Variants in USP28 observed in about 807,000 individuals in gnomAD.
USP28 encodes ubiquitin carboxyl-terminal hydrolase 28.
A neutral mutation model predicts 145.0 loss-of-function variants in USP28; 113 were observed. The ratio of observed to expected loss-of-function variants is 0.78; its 90% CI spans 0.67 to 0.91. The LOEUF (loss-of-function observed/expected upper bound fraction) is 0.91, where lower values mean the gene tolerates loss of function less well. Among genes scored for constraint, USP28 ranks in the 40% least tolerant of loss-of-function variants. The pLI, the probability that USP28 is intolerant of heterozygous loss-of-function variation, is 0.00. For synonymous variants in USP28, 447 were observed against 450.9 expected (o/e 0.99, Z 0.11); for missense variants, 1,201 against 1,289.6 (o/e 0.93, Z 1.05).
intron 1 of USP28, among the ~76,000 whole-genome samples, chr11:113,863,954 A>T (rs1591487914): frequency 7.6e-6 from 1 of 132,164 alleles, no homozygotes; most frequent in East Asian, 2.4e-4. Flanking sequence ...CGAAAAAAAA[A>T]ATTGCTGGTC....
In USP28 at chr11:113,830,142, T is replaced by C. The variant is rs1436340773; in HGVS notation, c.910+725A>G. On this transcript the variant is annotated intron_variant, in intron 9 of 24. Coordinates refer to ENST00000003302, the Ensembl canonical transcript of USP28. ...ACGATGGAGGGGGAGCCTACAAATA[T>C]TCAGTCATAAATGAATCACACACTG... Among the ~76,000 whole-genome samples, 8 of 152,290 alleles carry C rather than the reference T, an allele frequency of 5.3e-5. No homozygotes were observed. In the South Asian group the frequency reaches 1.4e-3, roughly 28 times the overall value.
chr11:113,805,662 T>C (rs1939823900), intron 19 of USP28, among the ~76,000 whole-genome samples: 1 of 152,008 alleles, frequency 6.6e-6, no homozygotes, highest in Non-Finnish European at 1.5e-5. Context: ...TGACTTAAAC[T>C]TAAAGAATCT....
exon 4 of USP28, chr11:113,841,672 T>G: frequency 6.2e-7 from 1 of 1,609,266 alleles, no homozygotes; most frequent in Non-Finnish European, 8.5e-7. Flanking sequence ...CCTGTTAAGA[T>G]CTCTTCCATC....
At chr11:113,854,573 TG>T (rs1946841829) in intron 1 of USP28, among the ~76,000 whole-genome samples, 1 of 152,186 alleles carries the variant, frequency 6.6e-6, no homozygotes, top group Non-Finnish European at 1.5e-5. Flanking sequence ...AGCTAAGTTT[TG>T]TATTTTTAGT....
intron 1 of USP28, among the ~76,000 whole-genome samples, chr11:113,869,717 G>A (rs1048559566): frequency 3.3e-5 from 5 of 152,302 alleles, no homozygotes; most frequent in South Asian, 2.1e-4. Context: ...TGGCAGACAC[G>A]AGTAATACAA....
At chr11:113,828,307 G>C (rs1943603084) in intron 10 of USP28, among the ~76,000 whole-genome samples, 1 of 152,170 alleles carries the variant, frequency 6.6e-6, no homozygotes, top group African/African-American at 2.4e-5. Context: ...GGTCTCCACA[G>C]GCCTAAGTAT....
At chr11:113,845,738 C>T (rs1945761681) in intron 3 of USP28, among the ~76,000 whole-genome samples, 1 of 152,108 alleles carries the variant, frequency 6.6e-6, no homozygotes, top group African/African-American at 2.4e-5. Context: ...TCACACCTGG[C>T]TAATTTTTCT....
At chr11:113,806,833 T>C (rs1260101261) in intron 18 of USP28, among the ~76,000 whole-genome samples, 1 of 152,192 alleles carries the variant, frequency 6.6e-6, no homozygotes, top group African/African-American at 2.4e-5. Context: ...TTCAGTAGGA[T>C]AAAGAAAGAT....
Position 113,854,349 on chromosome 11 carries a change from AC to A in USP28, c.58-15del. 1 of 1,610,210 alleles carries A rather than the reference AC, an allele frequency of 6.2e-7. No individual in the cohort carries two copies. The highest frequency in any genetic ancestry group is 8.5e-7 in the Non-Finnish European group (1 of 1,178,786). On this transcript the variant is annotated splice_polypyrimidine_tract_variant and intron_variant, in intron 1 of 24. Transcript: ENST00000003302. ...CATTTGGCAGCTCTATATTTGCAAA[AC>A]AAAAAAACCACAAACATGTCAGTCA...
intron 1 of USP28, among the ~76,000 whole-genome samples, chr11:113,873,801 G>C (rs1406230726): frequency 6.6e-6 from 1 of 152,092 alleles, no homozygotes; most frequent in Non-Finnish European, 1.5e-5. Flanking sequence ...TGATACTTTC[G>C]TTTCGGAGCC....
intron 3 of USP28, among the ~76,000 whole-genome samples, chr11:113,845,623 G>C (rs79176357): frequency 2.0e-5 from 3 of 152,046 alleles, no homozygotes; most frequent in African/African-American, 7.2e-5. Flanking sequence ...ACCAGGGCTA[G>C]AGGGCAGTAG....
rs184775101 is a variant in USP28, at chr11:113,861,648, C to T, written c.58-7313G>A. On this transcript the variant is annotated intron_variant, in intron 1 of 24. Coordinates refer to ENST00000003302, the Ensembl canonical transcript of USP28. The stretch of plus-strand genomic sequence containing the variant: ...AATGAAAAGGAAATCACCTTCTTCC[C>T]GACCTAGTTCTATTTCCCAGGGGCT... Among the ~76,000 whole-genome samples the T allele has an allele frequency of 2.4e-4, 37 of 152,258 alleles. No individual in the cohort carries two copies. In the East Asian group the frequency reaches 6.7e-3, roughly 28 times the overall value.
intron 12 of USP28, among the ~76,000 whole-genome samples, chr11:113,822,999 G>A (rs1048476841): frequency 7.9e-5 from 12 of 152,150 alleles, no homozygotes; most frequent in Admixed American, 2.6e-4. Context: ...GACTGTGTAT[G>A]GGATCTCTTT....
At chr11:113,865,441 C>G (rs1340562805) in intron 1 of USP28, among the ~76,000 whole-genome samples, 1 of 152,170 alleles carries the variant, frequency 6.6e-6, no homozygotes, top group Non-Finnish European at 1.5e-5. Context: ...TATATCAAAA[C>G]TTAGTATTAA....
intron 2 of USP28, among the ~76,000 whole-genome samples, chr11:113,853,613 G>A (rs1946716901): frequency 6.6e-6 from 1 of 152,122 alleles, no homozygotes; most frequent in Non-Finnish European, 1.5e-5. Flanking sequence ...GGTGGCTCAT[G>A]CCTGTAATCC....
intron 2 of USP28, 124 bp from the exon 3 acceptor site, chr11:113,852,757 T>G: frequency 9.1e-7 from 1 of 1,103,828 alleles, no homozygotes; most frequent in East Asian, 2.6e-5. Context: ...TAGGGTAGAA[T>G]TATGAGACTA....
chr11:113,844,209 GA>G (rs1280739002), intron 3 of USP28, among the ~76,000 whole-genome samples: 1 of 152,108 alleles, frequency 6.6e-6, no homozygotes, highest in African/African-American at 2.4e-5. Context: ...GGGAGGCCCA[GA>G]CGGGTGGATC....
intron 24 of USP28, among the ~76,000 whole-genome samples, chr11:113,800,529 G>T (rs929008395): frequency 2.0e-5 from 3 of 150,452 alleles, no homozygotes; most frequent in Admixed American, 1.3e-4. Context: ...GGGCTCAAGT[G>T]AGCCACCCAC....
Position 113,875,439 on chromosome 11 carries a change from GC to G in USP28, c.57+5del. The G allele has an allele frequency of 8.0e-7, 1 of 1,244,386 alleles. No homozygotes were observed. 77.1% of individuals were successfully genotyped at this position (1,244,386 alleles called of 1,614,324 possible). ...CCCAGCTCCCGCTCGCCGCCGCGGA[GC>G]CCACCGAGCCGTGGCCGTCTGCCGC... is the stretch of plus-strand genomic sequence containing the variant. On this transcript the variant is annotated splice_donor_5th_base_variant and intron_variant, in intron 1 of 24. Transcript: ENST00000003302.
Sources: gnomAD v4.1 joint callset for allele counts (sites outside exome capture counted in the v4.1 genomes callset) on GRCh38, gnomAD v4.1.1 for gene constraint, MANE v1.5 for transcripts, NCBI Gene and HGNC (gene_info 2026-07-23, HGNC 2026-07-21) for gene names.